The following DOCK2 variants were observed in gnomAD, a reference collection of about 807,000 sequenced individuals.
DOCK2 encodes dedicator of cytokinesis protein 2.
Under a neutral mutation model 248.9 loss-of-function variants are expected in DOCK2, and 87 were observed. The ratio of observed to expected loss-of-function variants is 0.35; its 90% CI spans 0.29 to 0.42. The LOEUF is 0.42. Ranked by LOEUF, DOCK2 falls within the 10% of genes least tolerant of loss-of-function variation. The probability of loss-of-function intolerance (pLI) is 1.00; values close to 1 mark genes in which losing one functional copy is unlikely to be tolerated. For synonymous variants in DOCK2, 805 were observed against 821.6 expected, an observed-to-expected ratio of 0.98 and a Z score of 0.35; for missense variants, 1,747 against 2,300.2, an observed-to-expected ratio of 0.76 and a Z score of 4.92.
At chr5:169,733,340 C>T (rs1178042520) in intron 22 of DOCK2, among the ~76,000 whole-genome samples, 1 of 151,562 alleles carries the variant, frequency 6.6e-6, no homozygotes, top group Non-Finnish European at 1.5e-5. Flanking sequence ...GGCTCTGTCA[C>T]CTCCTTCTTA....
chr5:169,748,439 A>G (rs995375829), intron 23 of DOCK2, among the ~76,000 whole-genome samples: 7 of 152,172 alleles, frequency 4.6e-5, no homozygotes, highest in Non-Finnish European at 7.4e-5. Context: ...ATGGAGTGTG[A>G]CCCAGGCCAG....
Position 169,718,666 on chromosome 5 carries a change from G to T in DOCK2, c.2142G>T (p.Met714Ile). The stretch of plus-strand genomic sequence containing the variant: ...ATTATCCCTTATTCAGGAAATTGAT[G>T]ACAGTGCTGAAGACTTACTTGGATA... ...FSATLAYKKL[M>I]TVLKTYLDTS... is the part of the protein sequence containing the mutation. Residue 714 changes from methionine to isoleucine, a missense_variant, in exon 22 of 52, where the codon ATG becomes ATT. Met to Ile is a conservative substitution (Grantham distance 10, BLOSUM62 1). Coordinates refer to ENST00000520908, the MANE Select transcript of DOCK2 (RefSeq NM_004946.3). The T allele has an allele frequency of 6.2e-7, 1 of 1,612,214 alleles. No individual in the cohort carries two copies. Among genetic ancestry groups the T allele is most frequent in the South Asian group, 1.1e-5 (1 of 90,722 alleles).
At chr5:169,921,162 G>C (rs1258788478) in intron 27 of DOCK2, among the ~76,000 whole-genome samples, 1 of 152,210 alleles carries the variant, frequency 6.6e-6, no homozygotes, top group Non-Finnish European at 1.5e-5. Context: ...GCCTGGAAAA[G>C]TGTCTGGATG....
intron 30 of DOCK2, among the ~76,000 whole-genome samples, chr5:169,998,913 G>A (rs976880392): frequency 1.3e-5 from 2 of 152,202 alleles, no homozygotes; most frequent in African/African-American, 4.8e-5. Context: ...TGCAGGCTCT[G>A]GTCATGGGTA....
intron 27 of DOCK2, among the ~76,000 whole-genome samples, chr5:169,877,165 G>A (rs1184859037): frequency 6.6e-6 from 1 of 152,156 alleles, no homozygotes; most frequent in African/African-American, 2.4e-5. Flanking sequence ...TTATGTAAAG[G>A]CACAGAGGAA....
intron 29 of DOCK2, among the ~76,000 whole-genome samples, chr5:169,994,258 G>A (rs1023312879): frequency 6.6e-6 from 1 of 152,196 alleles, no homozygotes; most frequent in Non-Finnish European, 1.5e-5. Flanking sequence ...GTGGACTGGG[G>A]AGTATGTGAG....
chr5:169,926,547 G>C (rs1222003857), intron 27 of DOCK2, among the ~76,000 whole-genome samples: 2 of 152,214 alleles, frequency 1.3e-5, no homozygotes, highest in African/African-American at 4.8e-5. Flanking sequence ...GGTGCCGCAT[G>C]AGGCTGGAAG....
At chr5:169,811,584 T>C (rs983955026) in intron 26 of DOCK2, among the ~76,000 whole-genome samples, 2 of 152,184 alleles carry the variant, frequency 1.3e-5, no homozygotes, top group Non-Finnish European at 2.9e-5. Flanking sequence ...CTGGCTTCCG[T>C]GGAGTTAGAA....
At chr5:169,867,954 T>C (rs1200956733) in intron 27 of DOCK2, among the ~76,000 whole-genome samples, 3 of 152,310 alleles carry the variant, frequency 2.0e-5, no homozygotes, top group Middle Eastern at 6.8e-3. Context: ...GGAACACACA[T>C]AGTTCACAGA....
intron 1 of DOCK2, among the ~76,000 whole-genome samples, chr5:169,646,291 T>C (rs1005546097): frequency 2.0e-5 from 3 of 152,214 alleles, no homozygotes; most frequent in Non-Finnish European, 2.9e-5. Context: ...TTCTGTTCCA[T>C]TGGTCTATAT....
At chr5:169,706,999 C>T (rs975538419) in intron 14 of DOCK2, among the ~76,000 whole-genome samples, 1 of 152,238 alleles carries the variant, frequency 6.6e-6, no homozygotes, top group Non-Finnish European at 1.5e-5. Flanking sequence ...AGGCATGACT[C>T]GCTCACCATC....
chr5:170,069,227 C>T lies in DOCK2; in HGVS notation c.4728+7C>T. ...GGACCTGATTGCATGGCAGGTGAGG[C>T]AGCGCTGGCCAGGGGAGCATGCTGC... On this transcript the variant is annotated splice_region_variant and intron_variant, in intron 46 of 51. Transcript: ENST00000520908. 2.5e-6 allele frequency: 4 copies of T among 1,613,342 alleles called. No homozygotes were observed. Among genetic ancestry groups the T allele is most frequent in the Non-Finnish European group, 3.4e-6 (4 of 1,179,672 alleles).
intron 40 of DOCK2, 58 bp downstream of exon 40, chr5:170,047,672 C>A: frequency 6.7e-7 from 1 of 1,483,468 alleles, no homozygotes; most frequent in Non-Finnish European, 9.4e-7. Context: ...GGCATCTCAG[C>A]GGTCCTTCTA....
intron 9 of DOCK2, among the ~76,000 whole-genome samples, chr5:169,690,661 G>C (rs1760247448): frequency 6.6e-6 from 1 of 152,170 alleles, no homozygotes; most frequent in South Asian, 2.1e-4. Context: ...AGTCCCACAG[G>C]CCTTCCTGAT....
intron 27 of DOCK2, among the ~76,000 whole-genome samples, chr5:169,966,603 A>G (rs994276827): frequency 1.3e-5 from 2 of 152,194 alleles, no homozygotes; most frequent in Admixed American, 1.3e-4. Flanking sequence ...CACACTCAGC[A>G]TAGGACCTGG....
At chr5:169,987,626 T>C (rs114388160) in intron 29 of DOCK2, among the ~76,000 whole-genome samples, 2,258 of 152,298 alleles carry the variant, frequency 0.015, 54 homozygotes, top group African/African-American at 0.05. Context: ...TTTGAAGGAA[T>C]ATTTCCTCCT....
At chr5:169,983,314 T>C (rs1271920236) in intron 28 of DOCK2, 148 bp downstream of exon 28, 5 of 819,484 alleles carry the variant, frequency 6.1e-6, no homozygotes, top group Non-Finnish European at 3.9e-6. Context: ...CATTTTGGGG[T>C]TTAAGAGCAT....
intron 27 of DOCK2, among the ~76,000 whole-genome samples, chr5:169,866,274 G>A (rs1291506698): frequency 2.0e-5 from 3 of 152,156 alleles, no homozygotes; most frequent in African/African-American, 7.2e-5. Context: ...CTGGCTGGAT[G>A]ACCTATAGGC....
chr5:169,975,672 T>C (rs1042716854), intron 27 of DOCK2, among the ~76,000 whole-genome samples: 9 of 152,214 alleles, frequency 5.9e-5, no homozygotes, highest in African/African-American at 2.2e-4. Context: ...CTATTGAAAA[T>C]AGGGCAGATA....
Sources: gnomAD v4.1 joint callset for allele counts (sites outside exome capture counted in the v4.1 genomes callset) on GRCh38, gnomAD v4.1.1 for gene constraint, MANE v1.5 for transcripts, NCBI Gene and HGNC (gene_info 2026-07-23, HGNC 2026-07-21) for gene names.